SEMA5B: variants seen among roughly 807,000 people sequenced by gnomAD.
The protein encoded by SEMA5B is semaphorin-5B.
SEMA5B carries 66 observed loss-of-function variants against 135.0 expected under a neutral mutation model. The observed-to-expected ratio is 0.49, with a 90% CI of 0.40 to 0.60. The LOEUF is 0.60. SEMA5B is among the 20% of genes least tolerant of loss of function. The probability of loss-of-function intolerance (pLI) is 0.00; values close to 1 mark genes in which losing one functional copy is unlikely to be tolerated. For missense variants in SEMA5B, 1,501 were observed against 1,566.3 expected, an observed-to-expected ratio of 0.96 and a Z score of 0.70; for synonymous variants, 690 against 639.5, an observed-to-expected ratio of 1.08 and a Z score of -1.19.
rs191462470 is a variant in SEMA5B at position 122,984,779 on chromosome 3, G to C, written c.-38-23478C>G. Reference sequence around the variant, plus strand: ...TTAAAAAAAAGTAATTAAAAAGAAAGCTTCAGAGAAGGAAAGAGGAAATTA... The same window carrying C: ...TTAAAAAAAAGTAATTAAAAAGAAACCTTCAGAGAAGGAAAGAGGAAATTA... On this transcript the variant is annotated intron_variant, in intron 1 of 22. Coordinates refer to ENST00000357599, the MANE Select transcript of SEMA5B (RefSeq NM_001031702.4). Among the ~76,000 whole-genome samples, 7 of 152,184 alleles carry C rather than the reference G, an allele frequency of 4.6e-5. No homozygotes were observed. The East Asian group carries it at 1.2e-3, about 25-fold the overall frequency.
At chr3:123,011,323 C>T (rs889622135) in intron 1 of SEMA5B, among the ~76,000 whole-genome samples, 1 of 152,230 alleles carries the variant, frequency 6.6e-6, no homozygotes, top group African/African-American at 2.4e-5. Context: ...CCTGTCACAT[C>T]GATCATCCAA....
intron 1 of SEMA5B, among the ~76,000 whole-genome samples, chr3:123,021,486 T>G (rs1942673690): frequency 6.6e-6 from 1 of 152,128 alleles, no homozygotes; most frequent in Non-Finnish European, 1.5e-5. Context: ...GAGGCCTGAG[T>G]TGGGTGCTTC....
chr3:123,021,173 C>T (rs1165607439), intron 1 of SEMA5B, among the ~76,000 whole-genome samples: 2 of 152,162 alleles, frequency 1.3e-5, no homozygotes, highest in Non-Finnish European at 2.9e-5. Flanking sequence ...AGCCCGGATC[C>T]CGGGAAATCT....
intron 1 of SEMA5B, among the ~76,000 whole-genome samples, chr3:122,987,589 T>C (rs1317938223): frequency 6.6e-6 from 1 of 152,132 alleles, no homozygotes; most frequent in African/African-American, 2.4e-5. Context: ...GAGGCACCAC[T>C]CTCCCCAGAG....
intron 1 of SEMA5B, among the ~76,000 whole-genome samples, chr3:122,983,505 G>C (rs898772752): frequency 6.6e-6 from 1 of 151,840 alleles, no homozygotes; most frequent in South Asian, 2.1e-4. Flanking sequence ...AGAAAGCCAA[G>C]CTACTTTTGG....
At chr3:123,019,348 C>T (rs991292055) in intron 1 of SEMA5B, among the ~76,000 whole-genome samples, 1 of 152,182 alleles carries the variant, frequency 6.6e-6, no homozygotes, top group Non-Finnish European at 1.5e-5. Context: ...GTAATTCCAG[C>T]ACTTTGGGAG....
At chr3:122,919,264 G>A (rs1938235320) in intron 12 of SEMA5B, among the ~76,000 whole-genome samples, 1 of 152,090 alleles carries the variant, frequency 6.6e-6, no homozygotes, top group African/African-American at 2.4e-5. Context: ...ATGAGTTGGG[G>A]GTAGGTTACC....
chr3:123,027,496 C>T lies in SEMA5B; in HGVS notation c.-71G>A, dbSNP rs1020079352. The stretch of plus-strand genomic sequence containing the variant: ...AGGCGGGTGCAGGTGCCCGGTTCCC[C>T]GCGGCTCCCGACTCCCGGGCGGCGC... On this transcript the variant is annotated 5_prime_UTR_variant, in exon 1 of 23. Transcript: ENST00000357599. 2 of 152,224 alleles carry T rather than the reference C, an allele frequency of 1.3e-5. No individual in the cohort carries two copies. Among genetic ancestry groups the T allele is most frequent in the African/African-American group, 4.8e-5 (2 of 41,448 alleles). The allele number at this position is 152,224 out of a possible 1,614,324, so 9.4% of individuals were successfully genotyped here.
At chr3:122,952,171 G>A (rs1024867906) in intron 2 of SEMA5B, among the ~76,000 whole-genome samples, 3 of 152,172 alleles carry the variant, frequency 2.0e-5, no homozygotes, top group Non-Finnish European at 2.9e-5. Context: ...CCCTCTGGGA[G>A]GGAGATTTGA....
intron 4 of SEMA5B, among the ~76,000 whole-genome samples, chr3:122,941,368 A>G (rs1576352210): frequency 6.6e-6 from 1 of 152,186 alleles, no homozygotes; most frequent in African/African-American, 2.4e-5. Context: ...AGAAAACATA[A>G]CCACCTTCTG....
intron 4 of SEMA5B, among the ~76,000 whole-genome samples, chr3:122,941,973 G>A (rs1010360193): frequency 1.3e-5 from 2 of 152,134 alleles, no homozygotes; most frequent in African/African-American, 2.4e-5. Context: ...CTGTATAGTT[G>A]CATATGGACA....
At chr3:122,915,277 T>C (rs1473873172) in intron 14 of SEMA5B, among the ~76,000 whole-genome samples, 163 bp downstream of exon 14, 1 of 152,168 alleles carries the variant, frequency 6.6e-6, no homozygotes, top group Non-Finnish European at 1.5e-5. Flanking sequence ...CCCTCAGGGC[T>C]CAGGTTTCCT....
intron 1 of SEMA5B, among the ~76,000 whole-genome samples, chr3:123,012,944 C>A (rs1942470214): frequency 6.6e-6 from 1 of 152,176 alleles, no homozygotes; most frequent in Admixed American, 6.5e-5. Context: ...GGAGAGGTGT[C>A]CTTAGAGACA....
intron 1 of SEMA5B, among the ~76,000 whole-genome samples, chr3:123,024,233 T>C (rs551094929): frequency 2.9e-4 from 44 of 152,316 alleles, no homozygotes; most frequent in Admixed American, 8.5e-4. Context: ...TTGGACCCAA[T>C]AGCATCATCT....
chr3:123,025,094 C>A (rs1452525383), intron 1 of SEMA5B, among the ~76,000 whole-genome samples: 1 of 152,182 alleles, frequency 6.6e-6, no homozygotes, highest in Non-Finnish European at 1.5e-5. Context: ...CTCCTCCAGT[C>A]CTAATGGGGA....
At chr3:122,944,612 C>T (rs1212677466) in intron 3 of SEMA5B, among the ~76,000 whole-genome samples, 4 of 152,194 alleles carry the variant, frequency 2.6e-5, no homozygotes, top group African/African-American at 9.7e-5. Flanking sequence ...CGGTCAGTGT[C>T]CACCCTGCCT....
intron 1 of SEMA5B, among the ~76,000 whole-genome samples, chr3:123,021,091 C>T (rs1346674401): frequency 6.6e-6 from 1 of 152,224 alleles, no homozygotes; most frequent in Non-Finnish European, 1.5e-5. Context: ...ACTTAGACTC[C>T]TGATGGGACC....
rs1938039528 is a variant in SEMA5B at position 122,915,753 on chromosome 3, G to C, written c.1806+20C>G. The C allele has an allele frequency of 6.2e-7, 1 of 1,610,876 alleles. No homozygotes were observed. Among genetic ancestry groups the C allele is most frequent in the African/African-American group, 1.3e-5 (1 of 74,858 alleles). ...ATTGAAGGAGGGGTCTGAGATGGGAGGACACAAGGGGATTCTCACAGGACA... is the reference window on the plus strand; with the variant it reads ...ATTGAAGGAGGGGTCTGAGATGGGACGACACAAGGGGATTCTCACAGGACA... On this transcript the variant is annotated intron_variant, in intron 13 of 22. Transcript: ENST00000357599.
intron 1 of SEMA5B, among the ~76,000 whole-genome samples, chr3:122,983,743 A>G (rs969697564): frequency 7.6e-5 from 11 of 144,218 alleles, no homozygotes; most frequent in African/African-American, 2.4e-4. Flanking sequence ...AAAAAAAAAA[A>G]AAAAAAAAAG....
Sources: allele counts gnomAD v4.1 joint callset (sites outside exome capture counted in the v4.1 genomes callset), GRCh38; gene constraint gnomAD v4.1.1; transcripts MANE v1.5; gene names NCBI Gene and HGNC (gene_info 2026-07-23, HGNC 2026-07-21).